The following KCNK10 variants were observed in gnomAD, a reference collection of about 807,000 sequenced individuals.
KCNK10 encodes potassium channel subfamily K member 10.
KCNK10 carries 25 observed loss-of-function variants against 47.7 expected under a neutral mutation model. That is an observed-to-expected ratio of 0.52 (90% CI 0.38 to 0.73). KCNK10 has a LOEUF of 0.73. Among genes scored for constraint, KCNK10 ranks in the 30% least tolerant of loss-of-function variants. KCNK10 has a pLI of 0.00. For missense variants in KCNK10, 563 were observed against 714.5 expected, an observed-to-expected ratio of 0.79 and a Z score of 2.42; for synonymous variants, 303 against 285.6, an observed-to-expected ratio of 1.06 and a Z score of -0.61.
chr14:88,207,926 G>A (rs1334611938), intron 4 of KCNK10, among the ~76,000 whole-genome samples: 2 of 152,202 alleles, frequency 1.3e-5, no homozygotes, highest in African/African-American at 4.8e-5. Context: ...AGACCAGGAG[G>A]AGGGTACAGA....
chr14:88,216,576 T>A (rs563582030), intron 4 of KCNK10, among the ~76,000 whole-genome samples: 1 of 152,068 alleles, frequency 6.6e-6, no homozygotes, highest in Non-Finnish European at 1.5e-5. Context: ...CTATGTTAAA[T>A]GAAGGGAGGA....
rs1388263938 is a variant in KCNK10, at chr14:88,240,892, A to G, written c.403-72T>C. The G allele has an allele frequency of 1.0e-5, 10 of 961,804 alleles. No homozygotes were observed. In the East Asian group the frequency reaches 2.5e-4, roughly 24 times the overall value. The allele number at this position is 961,804 out of a possible 1,614,324, so 59.6% of individuals were successfully genotyped here. A position where few individuals can be genotyped will look rare whatever the true frequency, so the allele number is the denominator to read the frequency against. On this transcript the variant is annotated intron_variant, in intron 2 of 6. Coordinates refer to ENST00000319231, the MANE Select transcript of KCNK10 (RefSeq NM_138317.3). ...ATTTTTTTTTTCTTCAAAAAAAAAAAAGGTTCCAATACATTATTCCCCTAC... is the reference window on the plus strand; with the variant it reads ...ATTTTTTTTTTCTTCAAAAAAAAAAGAGGTTCCAATACATTATTCCCCTAC...
chr14:88,326,693 G>C, upstream of KCNK10: 1 of 553,220 alleles, frequency 1.8e-6, no homozygotes, highest in Non-Finnish European at 3.2e-6. Context: ...TACCGGGCAC[G>C]GGTCTCTGCA....
intron 3 of KCNK10, among the ~76,000 whole-genome samples, chr14:88,230,702 G>T (rs960407688): frequency 6.6e-6 from 1 of 152,058 alleles, no homozygotes; most frequent in African/African-American, 2.4e-5. Flanking sequence ...ATGCTCTAAG[G>T]GACCCCACTT....
chr14:88,187,902 A>C (rs1884623148), intron 6 of KCNK10, 65 bp downstream of exon 6: 14 of 1,579,478 alleles, frequency 8.9e-6, no homozygotes, highest in Non-Finnish European at 1.1e-5. Flanking sequence ...GGACAGAGAC[A>C]GGCAATTCTG....
At chr14:88,310,094 G>A (rs1174119368) in intron 1 of KCNK10, among the ~76,000 whole-genome samples, 1 of 108,098 alleles carries the variant, frequency 9.3e-6, no homozygotes, top group Non-Finnish European at 2.0e-5. Flanking sequence ...GTTACCCTGA[G>A]GAACTACATT....
rs574260354 is a variant in KCNK10, at chr14:88,181,700, A to G, written c.*3835T>C. ...ATCTGGTCTCCATTAATCCCCCAAA[A>G]GACAAATCCCAAAGGGCAAGAGACT... is the stretch of plus-strand genomic sequence containing the variant. On this transcript the variant is annotated 3_prime_UTR_variant, in exon 7 of 7. Transcript: ENST00000319231. 54 of 152,376 alleles carry G rather than the reference A, an allele frequency of 3.5e-4. No individual in the cohort carries two copies. Among genetic ancestry groups the G allele is most frequent in the African/African-American group, 1.3e-3 (54 of 41,526 alleles). 9.4% of individuals were successfully genotyped at this position (152,376 alleles called of 1,614,324 possible).
At chr14:88,286,022 T>C (rs1382773738) in intron 1 of KCNK10, among the ~76,000 whole-genome samples, 2 of 152,184 alleles carry the variant, frequency 1.3e-5, no homozygotes, top group Non-Finnish European at 2.9e-5. Context: ...AGGATCCAGC[T>C]GCCACACTGT....
At chr14:88,312,854 T>C (rs1888356085) in intron 1 of KCNK10, among the ~76,000 whole-genome samples, 1 of 152,210 alleles carries the variant, frequency 6.6e-6, no homozygotes, top group African/African-American at 2.4e-5. Context: ...TATGAGACCA[T>C]ATGTTCATAT....
chr14:88,247,661 C>T (rs1595103587), intron 2 of KCNK10, among the ~76,000 whole-genome samples: 1 of 152,288 alleles, frequency 6.6e-6, no homozygotes, highest in East Asian at 1.9e-4. Flanking sequence ...GAGAGAGAAA[C>T]CCAGGATGGG....
intron 2 of KCNK10, among the ~76,000 whole-genome samples, chr14:88,245,701 C>T (rs1595102291): frequency 6.6e-6 from 1 of 152,168 alleles, no homozygotes; most frequent in East Asian, 1.9e-4. Flanking sequence ...AACAAAGGTG[C>T]AGCAGTAATC....
At chr14:88,249,619 G>A (rs1447606475) in intron 2 of KCNK10, among the ~76,000 whole-genome samples, 10 of 152,272 alleles carry the variant, frequency 6.6e-5, no homozygotes, top group East Asian at 3.9e-4. Flanking sequence ...TTCTAGAGCC[G>A]GACTGCCTTG....
intron 1 of KCNK10, among the ~76,000 whole-genome samples, chr14:88,271,182 C>T (rs936608579): frequency 6.6e-6 from 1 of 152,168 alleles, no homozygotes; most frequent in African/African-American, 2.4e-5. Context: ...ATAAGATGCC[C>T]TTCCTTTGTG....
intron 3 of KCNK10, among the ~76,000 whole-genome samples, chr14:88,239,558 C>T (rs1323146842): frequency 2.0e-5 from 3 of 152,136 alleles, no homozygotes; most frequent in Admixed American, 1.3e-4. Context: ...TGCCATTATA[C>T]TTATAAAGTT....
chr14:88,234,126 T>G (rs186808490), intron 3 of KCNK10, among the ~76,000 whole-genome samples: 4 of 152,214 alleles, frequency 2.6e-5, no homozygotes, highest in Non-Finnish European at 5.9e-5. Flanking sequence ...TTCAGGTTGC[T>G]AACACTTTTT....
chr14:88,218,708 A>G (rs1473941094), intron 4 of KCNK10, among the ~76,000 whole-genome samples: 1 of 152,172 alleles, frequency 6.6e-6, no homozygotes, highest in African/African-American at 2.4e-5. Context: ...GAATCAGTCC[A>G]GAATTTGACT....
At chr14:88,277,258 T>C (rs1887545204) in intron 1 of KCNK10, among the ~76,000 whole-genome samples, 1 of 151,426 alleles carries the variant, frequency 6.6e-6, no homozygotes, top group South Asian at 2.1e-4. Context: ...CTGTGCCTAC[T>C]AAGTCAAAAA....
upstream of KCNK10, chr14:88,326,306 G>A (rs1359003423): frequency 1.5e-5 from 12 of 813,524 alleles, no homozygotes; most frequent in Middle Eastern, 4.7e-4. Context: ...GCATGGAGTG[G>A]GGATGGAGGG....
intron 4 of KCNK10, among the ~76,000 whole-genome samples, chr14:88,221,256 CAT>C: frequency 6.6e-6 from 1 of 151,360 alleles, no homozygotes; most frequent in African/African-American, 2.4e-5. Flanking sequence ...GAGCCAAGAT[CAT>C]ACCACTGCAC....
Sources: allele counts gnomAD v4.1 joint callset (sites outside exome capture counted in the v4.1 genomes callset), GRCh38; gene constraint gnomAD v4.1.1; transcripts MANE v1.5; gene names NCBI Gene and HGNC (gene_info 2026-07-23, HGNC 2026-07-21).